Variants in PGM5 observed in about 807,000 individuals in gnomAD.
The protein encoded by PGM5 is phosphoglucomutase 5.
Under a neutral mutation model 59.2 loss-of-function variants are expected in PGM5, and 23 were observed. The observed-to-expected ratio is 0.39, with a 90% CI of 0.28 to 0.55. PGM5 has a LOEUF of 0.55. PGM5 is among the 20% of genes least tolerant of loss of function. The probability of loss-of-function intolerance (pLI) is 0.66; values close to 1 mark genes in which losing one functional copy is unlikely to be tolerated. For missense variants in PGM5, 574 were observed against 748.3 expected (o/e 0.77, Z 2.72); for synonymous variants, 214 against 286.0 (o/e 0.75, Z 2.54).
At chr9:68,358,633 CA>C (rs1455570808) in intron 1 of PGM5, among the ~76,000 whole-genome samples, 2 of 152,064 alleles carry the variant, frequency 1.3e-5, no homozygotes, top group Non-Finnish European at 2.9e-5. Flanking sequence ...CCTTCCTTCC[CA>C]ACCCTCTCCT....
At chr9:68,493,758 A>T (rs1327701520) in intron 9 of PGM5, among the ~76,000 whole-genome samples, 1 of 152,224 alleles carries the variant, frequency 6.6e-6, no homozygotes, top group Non-Finnish European at 1.5e-5. Context: ...TCCAGTTGCT[A>T]TTCTTGTATC....
At chr9:68,438,799 G>C (rs530256272) in intron 6 of PGM5, among the ~76,000 whole-genome samples, 1 of 152,146 alleles carries the variant, frequency 6.6e-6, no homozygotes, top group Non-Finnish European at 1.5e-5. Flanking sequence ...GTTCTGTTTC[G>C]AGGAACTTAA....
At chr9:68,442,246 A>G (rs1434958909) in intron 6 of PGM5, among the ~76,000 whole-genome samples, 1 of 152,342 alleles carries the variant, frequency 6.6e-6, no homozygotes, top group East Asian at 1.9e-4. Flanking sequence ...GAGGCAGAAC[A>G]ATTTTCAAAA....
chr9:68,497,104 G>A (rs782089802), intron 9 of PGM5: 9 of 152,152 alleles, frequency 5.9e-5, no homozygotes, highest in African/African-American at 1.4e-4. Flanking sequence ...AGGTTTGAAC[G>A]TAACTTGAAA....
chr9:68,460,433 A>C (rs1346200580), intron 6 of PGM5, among the ~76,000 whole-genome samples: 1 of 152,126 alleles, frequency 6.6e-6, no homozygotes. Flanking sequence ...TGACCATCAG[A>C]CTGGTCAGAT....
intron 7 of PGM5, among the ~76,000 whole-genome samples, chr9:68,478,779 A>G (rs1272233704): frequency 6.6e-6 from 1 of 152,144 alleles, no homozygotes; most frequent in Admixed American, 6.5e-5. Context: ...GGTGCTTGAG[A>G]TAATCTCACC....
At chr9:68,364,066 G>T (rs2777152) in intron 1 of PGM5, among the ~76,000 whole-genome samples, 5 of 152,338 alleles carry the variant, frequency 3.3e-5, no homozygotes, top group African/African-American at 7.2e-5. Flanking sequence ...AAGAGAAAAT[G>T]TATTTGTTGA....
intron 6 of PGM5, among the ~76,000 whole-genome samples, chr9:68,459,808 T>C (rs1823830767): frequency 6.6e-6 from 1 of 152,232 alleles, no homozygotes; most frequent in East Asian, 1.9e-4. Context: ...TATTTGAATA[T>C]GGTCTTTTGT....
chr9:68,401,883 ATATATATGTGTGTG>A (rs1205722291), intron 6 of PGM5, among the ~76,000 whole-genome samples: 1 of 105,866 alleles, frequency 9.4e-6, no homozygotes, highest in African/African-American at 3.7e-5. Context: ...ACAGCTATAT[ATATATATGTGTGTG>A]TGTGTGTGTG....
At position 68,465,177 on chromosome 9, in the gene PGM5, C is replaced by T; in HGVS notation, c.1128C>T (p.Cys376=). Residue 376 remains cysteine, a synonymous_variant, in exon 7 of 11, where the codon TGC becomes TGT. Coordinates refer to ENST00000396396, the MANE Select transcript of PGM5 (RefSeq NM_021965.4). ...CAAATCTGATGGACTCAGGACGTTG[C>T]AATCTGTGTGGGGAAGAGAGCTTTG... ...FFSNLMDSGR[C]NLCGEESFGT... 2.5e-6 allele frequency: 4 copies of T among 1,612,930 alleles called. No individual in the cohort carries two copies. Among genetic ancestry groups the T allele is most frequent in the Non-Finnish European group, 3.4e-6 (4 of 1,178,978 alleles).
At chr9:68,507,338 A>G (rs1263554748) in intron 10 of PGM5, among the ~76,000 whole-genome samples, 1 of 152,212 alleles carries the variant, frequency 6.6e-6, no homozygotes, top group Non-Finnish European at 1.5e-5. Context: ...GCTGTTCTCC[A>G]TAACTAATGA....
At chr9:68,447,405 T>C (rs1823629101) in intron 6 of PGM5, among the ~76,000 whole-genome samples, 1 of 152,040 alleles carries the variant, frequency 6.6e-6, no homozygotes, top group South Asian at 2.1e-4. Context: ...TTCTGTACAG[T>C]GAGGCTCGAG....
chr9:68,505,298 G>GT (rs1226837619), intron 10 of PGM5, among the ~76,000 whole-genome samples: 5 of 152,098 alleles, frequency 3.3e-5, no homozygotes, highest in African/African-American at 9.7e-5. Flanking sequence ...TTATTGAGAG[G>GT]TTTTTTCCTC....
At chr9:68,403,573 G>A (rs1179751080) in intron 6 of PGM5, among the ~76,000 whole-genome samples, 10 of 152,074 alleles carry the variant, frequency 6.6e-5, no homozygotes, top group Non-Finnish European at 1.3e-4. Flanking sequence ...TTTGAGGCAG[G>A]CACTATTATT....
At chr9:68,372,003 A>G (rs1821747409) in intron 1 of PGM5, among the ~76,000 whole-genome samples, 1 of 152,198 alleles carries the variant, frequency 6.6e-6, no homozygotes, top group Admixed American at 6.5e-5. Flanking sequence ...CTTGATTTTG[A>G]ACTTCTGGCC....
intron 6 of PGM5, chr9:68,396,748 TA>T (rs1362102007): frequency 6.6e-6 from 1 of 152,200 alleles, no homozygotes; most frequent in Non-Finnish European, 1.5e-5. Context: ...TCTTCCTAGG[TA>T]AAATCAATGC....
At chr9:68,435,239 T>A (rs1823426269) in intron 6 of PGM5, among the ~76,000 whole-genome samples, 1 of 152,242 alleles carries the variant, frequency 6.6e-6, no homozygotes, top group South Asian at 2.1e-4. Flanking sequence ...ATGTGTTTAG[T>A]TTTTAGAATT....
At chr9:68,438,789 G>T (rs146286147) in intron 6 of PGM5, among the ~76,000 whole-genome samples, 292 of 152,328 alleles carry the variant, frequency 1.9e-3, no homozygotes, top group Non-Finnish European at 3.2e-3. Context: ...AAGTCCTCTA[G>T]TTCTGTTTCG....
At chr9:68,417,713 G>A (rs1823058368) in intron 6 of PGM5, among the ~76,000 whole-genome samples, 1 of 152,178 alleles carries the variant, frequency 6.6e-6, no homozygotes, top group Admixed American at 6.5e-5. Flanking sequence ...ATTTGCTTCA[G>A]CTATAGCCGC....
Sources: allele counts gnomAD v4.1 joint callset (sites outside exome capture counted in the v4.1 genomes callset), GRCh38; gene constraint gnomAD v4.1.1; transcripts MANE v1.5; gene names NCBI Gene and HGNC (gene_info 2026-07-23, HGNC 2026-07-21).